Variants in LRRTM4 observed in about 807,000 individuals in gnomAD.
The protein encoded by LRRTM4 is leucine-rich repeat transmembrane neuronal protein 4.
A neutral mutation model predicts 47.6 loss-of-function variants in LRRTM4; 25 were observed. The observed-to-expected ratio is 0.53, with a 90% CI of 0.38 to 0.73. LRRTM4 has a LOEUF of 0.73. Among genes scored for constraint, LRRTM4 ranks in the 30% least tolerant of loss-of-function variants. The pLI, the probability that LRRTM4 is intolerant of heterozygous loss-of-function variation, is 0.00. For synonymous variants in LRRTM4, 311 were observed against 269.5 expected (o/e 1.15, Z -1.51); for missense variants, 638 against 713.4 (o/e 0.89, Z 1.20).
chr2:76,966,693 T>A (rs1676035699), intron 3 of LRRTM4, among the ~76,000 whole-genome samples: 1 of 151,624 alleles, frequency 6.6e-6, no homozygotes, highest in East Asian at 2.0e-4. Context: ...TCAAATTGGC[T>A]GTCCCAAAAA....
intron 3 of LRRTM4, among the ~76,000 whole-genome samples, chr2:76,967,750 AT>A (rs905197923): frequency 1.1e-4 from 16 of 151,330 alleles, no homozygotes; most frequent in Admixed American, 3.3e-4. Context: ...TGCAGCTCAG[AT>A]TTCATTTATT....
intron 3 of LRRTM4, among the ~76,000 whole-genome samples, chr2:76,753,919 A>C (rs989666002): frequency 1.1e-4 from 16 of 152,164 alleles, no homozygotes; most frequent in African/African-American, 2.7e-4. Flanking sequence ...TAAGTCGCTT[A>C]AGAGTCGGAT....
chr2:76,776,597 A>G (rs1674007429), intron 3 of LRRTM4, among the ~76,000 whole-genome samples: 1 of 151,872 alleles, frequency 6.6e-6, no homozygotes, highest in Admixed American at 6.6e-5. Flanking sequence ...CCACTTTTTG[A>G]TAGGGTTGTT....
At chr2:77,042,815 T>G (rs1037308821) in intron 3 of LRRTM4, among the ~76,000 whole-genome samples, 1 of 151,750 alleles carries the variant, frequency 6.6e-6, no homozygotes, top group South Asian at 2.1e-4. Context: ...AGGCTCCTTT[T>G]TACCTCCTCA....
chr2:76,928,294 A>G (rs566269599), intron 3 of LRRTM4, among the ~76,000 whole-genome samples: 10 of 152,340 alleles, frequency 6.6e-5, no homozygotes, highest in Non-Finnish European at 1.0e-4. Context: ...TCTCTCATTT[A>G]AAACATTAAA....
rs986107806 is a variant in LRRTM4, at chr2:77,131,486, CAT to C, written c.1552-382572_1552-382571del. On this transcript the variant is annotated intron_variant, in intron 3 of 3. Transcript: ENST00000409884. ...TGTCTTTTGCTCAGTAATATAAACA[CAT>C]GTGTTTGGGATCTTACCTGAACCAA... Among the ~76,000 whole-genome samples, 4 of 152,270 alleles carry C rather than the reference CAT, an allele frequency of 2.6e-5. No individual in the cohort carries two copies. The East Asian group carries it at 7.7e-4, about 29-fold the overall frequency.
chr2:76,790,138 G>A (rs1291530148), intron 3 of LRRTM4, among the ~76,000 whole-genome samples: 1 of 152,166 alleles, frequency 6.6e-6, no homozygotes, highest in African/African-American at 2.4e-5. Flanking sequence ...TACCAAAGCA[G>A]TTTTTCCCAG....
At chr2:77,101,922 C>T (rs1485038021) in intron 3 of LRRTM4, among the ~76,000 whole-genome samples, 1 of 152,216 alleles carries the variant, frequency 6.6e-6, no homozygotes, top group Non-Finnish European at 1.5e-5. Flanking sequence ...ATCCTTGCTA[C>T]ATGAGTCTTC....
At chr2:76,960,826 T>A (rs1188209269) in intron 3 of LRRTM4, among the ~76,000 whole-genome samples, 1 of 151,508 alleles carries the variant, frequency 6.6e-6, no homozygotes, top group Non-Finnish European at 1.5e-5. Flanking sequence ...CTTATAAAAT[T>A]TAAAATGAGA....
At position 77,418,258 on chromosome 2, in the gene LRRTM4, C is replaced by A. The variant is rs531533332; in HGVS notation, c.1551+100060G>T. Among the ~76,000 whole-genome samples, 14 of 152,220 alleles carry A rather than the reference C, an allele frequency of 9.2e-5. No homozygotes were observed. In the South Asian group the frequency reaches 2.9e-3, roughly 32 times the overall value. On this transcript the variant is annotated intron_variant, in intron 3 of 3. Transcript: ENST00000409884. ...AAGTAGGAACAATAGCAGTGTTACA[C>A]ATAGTATTCCTGATGACTTCTAAAA...
intron 3 of LRRTM4, among the ~76,000 whole-genome samples, chr2:76,841,129 C>T (rs1356120672): frequency 2.0e-5 from 3 of 149,348 alleles, no homozygotes; most frequent in African/African-American, 7.6e-5. Context: ...TTTGTAGGGA[C>T]ATGGATGAAG....
intron 3 of LRRTM4, among the ~76,000 whole-genome samples, chr2:77,215,191 A>G (rs948221678): frequency 1.3e-5 from 2 of 152,202 alleles, no homozygotes; most frequent in Non-Finnish European, 2.9e-5. Context: ...TTAATTATGT[A>G]ATGATCAAAA....
intron 3 of LRRTM4, among the ~76,000 whole-genome samples, chr2:76,768,833 G>A (rs139433391): frequency 1.1e-4 from 16 of 152,152 alleles, no homozygotes; most frequent in Middle Eastern, 3.4e-3. Flanking sequence ...GCATGAAACC[G>A]GTAAATATTT....
intron 3 of LRRTM4, among the ~76,000 whole-genome samples, chr2:76,844,541 G>A (rs181038248): frequency 5.6e-4 from 85 of 152,252 alleles, no homozygotes; most frequent in Non-Finnish European, 1.0e-3. Context: ...ATCAGCAAAA[G>A]TTAAATGAAA....
intron 3 of LRRTM4, among the ~76,000 whole-genome samples, chr2:76,763,054 C>A (rs1324183873): frequency 6.6e-6 from 1 of 152,116 alleles, no homozygotes; most frequent in Non-Finnish European, 1.5e-5. Flanking sequence ...GCATTCTCTT[C>A]CTTTCTATCG....
chr2:77,108,578 C>CTTTTT (rs200805423), intron 3 of LRRTM4, among the ~76,000 whole-genome samples: 6 of 142,944 alleles, frequency 4.2e-5, no homozygotes, highest in Non-Finnish European at 7.6e-5. Context: ...CACAAACATT[C>CTTTTT]TTTTTTTTTT....
At chr2:77,090,957 C>A (rs947967397) in intron 3 of LRRTM4, among the ~76,000 whole-genome samples, 1 of 152,078 alleles carries the variant, frequency 6.6e-6, no homozygotes, top group African/African-American at 2.4e-5. Context: ...CGGAGGCTAC[C>A]CGCTCCACAT....
At chr2:76,752,187 C>A (rs1039557739) in intron 3 of LRRTM4, among the ~76,000 whole-genome samples, 3 of 152,076 alleles carry the variant, frequency 2.0e-5, no homozygotes, top group African/African-American at 7.2e-5. Flanking sequence ...TCTTTTTGCA[C>A]AACCAGGTGA....
At chr2:76,784,188 A>G (rs1027977659) in intron 3 of LRRTM4, among the ~76,000 whole-genome samples, 4 of 152,144 alleles carry the variant, frequency 2.6e-5, no homozygotes, top group Admixed American at 6.5e-5. Context: ...CATAGGTACC[A>G]CTAGATTAAT....
Sources: allele counts gnomAD v4.1 joint callset (sites outside exome capture counted in the v4.1 genomes callset), GRCh38; gene constraint gnomAD v4.1.1; transcripts MANE v1.5; gene names NCBI Gene and HGNC (gene_info 2026-07-23, HGNC 2026-07-21).